Variants in RANBP2 observed in about 807,000 individuals in gnomAD.
RANBP2 encodes the protein E3 SUMO-protein ligase RanBP2.
Under a neutral mutation model 303.6 loss-of-function variants are expected in RANBP2, and 57 were observed. The observed-to-expected ratio is 0.19, with a 90% CI of 0.15 to 0.23. The LOEUF (loss-of-function observed/expected upper bound fraction) is 0.23, where lower values mean the gene tolerates loss of function less well. Ranked by LOEUF, RANBP2 falls within the 10% of genes least tolerant of loss-of-function variation. The pLI is 1.00. For synonymous variants in RANBP2, 1,167 were observed against 1,301.5 expected, an observed-to-expected ratio of 0.90 and a Z score of 2.23; for missense variants, 3,138 against 3,780.8, an observed-to-expected ratio of 0.83 and a Z score of 4.46.
chr2:109,615,940 CCA>C, the RANBP2 span: 1 of 1,601,122 alleles, frequency 6.2e-7, no homozygotes, highest in South Asian at 1.1e-5. Flanking sequence ...ATCGTCCACA[CCA>C]CACCCTCTTT....
the RANBP2 span, among the ~76,000 whole-genome samples, chr2:109,280,770 C>T: frequency 1.1e-4 from 16 of 152,166 alleles, no homozygotes; most frequent in African/African-American, 2.7e-4. Context: ...GCCTCGAGGG[C>T]GCTGCAGGGT....
chr2:109,344,509 G>A, the RANBP2 span, among the ~76,000 whole-genome samples: 1 of 152,218 alleles, frequency 6.6e-6, no homozygotes, highest in African/African-American at 2.4e-5. Context: ...CGAGGAGCTC[G>A]GATCCCCTGA....
the RANBP2 span, among the ~76,000 whole-genome samples, chr2:108,874,971 A>G: frequency 2.0e-5 from 3 of 151,830 alleles, no homozygotes; most frequent in Middle Eastern, 3.2e-3. Context: ...ACCTTGGGCC[A>G]AAATGTTTTA....
chr2:109,298,476 C>T, the RANBP2 span, among the ~76,000 whole-genome samples: 17 of 152,058 alleles, frequency 1.1e-4, no homozygotes, highest in African/African-American at 4.1e-4. Context: ...CATTTCTGAG[C>T]CCAGGCTGGG....
chr2:108,942,823 C>A, the RANBP2 span, among the ~76,000 whole-genome samples: 12 of 152,234 alleles, frequency 7.9e-5, no homozygotes, highest in African/African-American at 2.9e-4. Context: ...TCAACAGCAG[C>A]AACAAAAACA....
At chr2:109,160,352 C>T in the RANBP2 span, among the ~76,000 whole-genome samples, 3 of 152,132 alleles carry the variant, frequency 2.0e-5, no homozygotes, top group Non-Finnish European at 4.4e-5. Context: ...GGTGAGAAGG[C>T]AAGAAACACA....
the RANBP2 span, among the ~76,000 whole-genome samples, chr2:109,692,374 G>A: frequency 6.6e-6 from 1 of 152,188 alleles, no homozygotes; most frequent in Non-Finnish European, 1.5e-5. Context: ...AGTGGTTACG[G>A]TGGTGGCAGA....
At chr2:108,830,951 G>C in the RANBP2 span, among the ~76,000 whole-genome samples, 1 of 152,188 alleles carries the variant, frequency 6.6e-6, no homozygotes, top group African/African-American at 2.4e-5. Context: ...GAGGCAGGCA[G>C]ATCACTTGAG....
the RANBP2 span, among the ~76,000 whole-genome samples, chr2:109,476,179 A>G: frequency 6.6e-5 from 10 of 152,222 alleles, no homozygotes; most frequent in African/African-American, 2.4e-4. Context: ...AGGCTCTATA[A>G]GGGATAAGCT....
chr2:108,741,731 C>G (rs1468222412), intron 7 of RANBP2, among the ~76,000 whole-genome samples: 1 of 148,576 alleles, frequency 6.7e-6, no homozygotes. Context: ...CCAGGATGGT[C>G]TCAATCTCCT....
intron 18 of RANBP2, among the ~76,000 whole-genome samples, chr2:108,761,772 G>T (rs920840582): frequency 2.0e-5 from 3 of 152,198 alleles, no homozygotes; most frequent in African/African-American, 7.2e-5. Context: ...GTGACTGAAT[G>T]TCCATAATTC....
chr2:109,683,621 C>A, the RANBP2 span, among the ~76,000 whole-genome samples: 1 of 151,978 alleles, frequency 6.6e-6, no homozygotes, highest in Non-Finnish European at 1.5e-5. Flanking sequence ...TGCGCCTGGC[C>A]GGCCGTACTG....
the RANBP2 span, among the ~76,000 whole-genome samples, chr2:109,379,349 T>G: frequency 9.2e-5 from 14 of 152,320 alleles, no homozygotes; most frequent in African/African-American, 3.4e-4. Flanking sequence ...AAAACGCCTT[T>G]AAAGTCATGG....
At chr2:109,116,659 T>G in the RANBP2 span, among the ~76,000 whole-genome samples, 5 of 152,254 alleles carry the variant, frequency 3.3e-5, no homozygotes, top group Non-Finnish European at 5.9e-5. Context: ...TCCAGCTTTG[T>G]TCCATTGCTG....
the RANBP2 span, among the ~76,000 whole-genome samples, chr2:108,969,597 T>G: frequency 1.3e-5 from 2 of 152,208 alleles, no homozygotes; most frequent in Admixed American, 6.5e-5. Context: ...TTTTATTCCC[T>G]TTATTTCTCA....
At chr2:108,798,401 G>C in the RANBP2 span, 30 of 1,596,470 alleles carry the variant, frequency 1.9e-5, no homozygotes, top group Admixed American at 5.0e-4. Flanking sequence ...CTTTTCAAGA[G>C]CATTAAAGTC....
the RANBP2 span, among the ~76,000 whole-genome samples, chr2:109,219,121 G>GCA: frequency 6.6e-6 from 1 of 152,178 alleles, no homozygotes; most frequent in Admixed American, 6.5e-5. Flanking sequence ...CTGGCTTTGT[G>GCA]GAGTTCCACC....
the RANBP2 span, chr2:109,565,758 T>C: frequency 1.2e-6 from 2 of 1,611,560 alleles, no homozygotes; most frequent in East Asian, 2.2e-5. Flanking sequence ...CTTTGTCTCA[T>C]TTACCTTGTA....
At chr2:109,061,853 G>C in the RANBP2 span, among the ~76,000 whole-genome samples, 3 of 152,152 alleles carry the variant, frequency 2.0e-5, no homozygotes, top group African/African-American at 7.2e-5. Flanking sequence ...TCAAGCAGAG[G>C]TGATGCCCAT....
Sources: allele counts gnomAD v4.1 joint callset (sites outside exome capture counted in the v4.1 genomes callset), GRCh38; gene constraint gnomAD v4.1.1; transcripts MANE v1.5; gene names NCBI Gene and HGNC (gene_info 2026-07-23, HGNC 2026-07-21).